SYT16: variants seen among roughly 807,000 people sequenced by gnomAD.
SYT16 encodes synaptotagmin 16.
SYT16 carries 42 observed loss-of-function variants against 61.4 expected under a neutral mutation model. The ratio of observed to expected loss-of-function variants is 0.68; its 90% CI spans 0.53 to 0.89. The LOEUF is 0.89. Ranked by LOEUF, SYT16 falls within the 40% of genes least tolerant of loss-of-function variation. SYT16 has a pLI of 0.00. For synonymous variants in SYT16, 314 were observed against 302.3 expected, an observed-to-expected ratio of 1.04 and a Z score of -0.40; for missense variants, 804 against 807.3, an observed-to-expected ratio of 1.00 and a Z score of 0.05.
chr14:62,101,632 A>G lies in SYT16; in HGVS notation c.*925A>G, dbSNP rs2057421035. 6.6e-6 allele frequency: 1 copy of G among 152,040 alleles called. No individual in the cohort carries two copies. The highest frequency in any genetic ancestry group is 2.4e-5 in the African/African-American group (1 of 41,318). The allele number at this position is 152,040 out of a possible 1,614,324, so 9.4% of individuals were successfully genotyped here. A position where few individuals can be genotyped will look rare whatever the true frequency, so the allele number is the denominator to read the frequency against. On this transcript the variant is annotated 3_prime_UTR_variant, in exon 8 of 8. Coordinates refer to ENST00000683842, the MANE Select transcript of SYT16 (RefSeq NM_001367656.1). ...TGCATGTAAACCATGCTCTTTTTAA[A>G]CTGAGTATTTTCCATCACTAGAGCA...
At chr14:61,980,376 A>C (rs753585208) in intron 2 of SYT16, among the ~76,000 whole-genome samples, 1 of 152,224 alleles carries the variant, frequency 6.6e-6, no homozygotes, top group Non-Finnish European at 1.5e-5. Context: ...TTATTTCAAC[A>C]TCAGGACAAG....
At chr14:62,002,833 G>A (rs1043957171) in intron 3 of SYT16, among the ~76,000 whole-genome samples, 2 of 152,098 alleles carry the variant, frequency 1.3e-5, no homozygotes, top group Non-Finnish European at 2.9e-5. Context: ...AGGTTTAATT[G>A]ACTCATAGTT....
intron 3 of SYT16, among the ~76,000 whole-genome samples, chr14:62,058,781 T>C (rs2055685899): frequency 1.3e-5 from 2 of 152,112 alleles, no homozygotes. Context: ...ATGTTCAGGT[T>C]TTTAAAATTT....
At chr14:61,960,023 G>A (rs1437342642) in intron 1 of SYT16, among the ~76,000 whole-genome samples, 1 of 151,932 alleles carries the variant, frequency 6.6e-6, no homozygotes, top group East Asian at 1.9e-4. Context: ...GTAGAGATGG[G>A]GTCTCTCCAT....
At chr14:61,970,775 G>T (rs950749968) in intron 2 of SYT16, among the ~76,000 whole-genome samples, 4 of 152,152 alleles carry the variant, frequency 2.6e-5, no homozygotes, top group African/African-American at 9.7e-5. Context: ...CACACTTAAA[G>T]AAATAATTGG....
At chr14:62,043,372 T>A (rs1349476925) in intron 3 of SYT16, among the ~76,000 whole-genome samples, 1 of 151,808 alleles carries the variant, frequency 6.6e-6, no homozygotes, top group South Asian at 2.1e-4. Context: ...CTTTCTTTTT[T>A]AAAAAATCAG....
At chr14:61,938,180 G>A (rs546456893) in intron 1 of SYT16, among the ~76,000 whole-genome samples, 60 of 152,220 alleles carry the variant, frequency 3.9e-4, no homozygotes, top group African/African-American at 1.4e-3. Context: ...CAAACAGGGT[G>A]GGGATTGCTA....
chr14:61,846,722 T>C (rs897186041), intron 1 of SYT16, among the ~76,000 whole-genome samples: 2 of 152,182 alleles, frequency 1.3e-5, no homozygotes, highest in African/African-American at 4.8e-5. Context: ...TTTATGGTCT[T>C]CTCTTCCTTC....
At chr14:61,972,322 C>A (rs12433405) in intron 2 of SYT16, among the ~76,000 whole-genome samples, 1 of 152,008 alleles carries the variant, frequency 6.6e-6, no homozygotes, top group Non-Finnish European at 1.5e-5. Context: ...AAAATATTTC[C>A]TTTTTGTCTT....
chr14:61,910,649 C>G (rs1308022487), intron 1 of SYT16, among the ~76,000 whole-genome samples: 1 of 151,946 alleles, frequency 6.6e-6, no homozygotes, highest in South Asian at 2.1e-4. Context: ...CTATCTCAGC[C>G]TCCCGAGTAG....
chr14:61,870,415 T>C (rs760962615), intron 1 of SYT16, among the ~76,000 whole-genome samples: 1 of 152,108 alleles, frequency 6.6e-6, no homozygotes, highest in Non-Finnish European at 1.5e-5. Flanking sequence ...TTGTCACTGT[T>C]TTTTTAGATA....
In SYT16 at chr14:61,841,473, G is replaced by T. The variant is rs571031781; in HGVS notation, c.-325+28663G>T. 7.7e-4 allele frequency among the ~76,000 whole-genome samples: 117 copies of T among 152,098 alleles called. 4 individuals carry two copies. In the South Asian group the frequency reaches 0.024, roughly 31 times the overall value. On this transcript the variant is annotated intron_variant, in intron 1 of 7. Coordinates refer to ENST00000683842, the MANE Select transcript of SYT16 (RefSeq NM_001367656.1). Reference sequence around the variant, plus strand: ...TAGATTAGCAGTTTTCATTTAAAAGGTTTTTAAAAAATAATAGCTAAGTCT... The same window carrying T: ...TAGATTAGCAGTTTTCATTTAAAAGTTTTTTAAAAAATAATAGCTAAGTCT...
Position 62,105,425 on chromosome 14 carries a change from A to G in SYT16, c.*4718A>G, listed in dbSNP as rs759077200. On this transcript the variant is annotated 3_prime_UTR_variant, in exon 8 of 8. Transcript: ENST00000683842. The stretch of plus-strand genomic sequence containing the variant: ...GGATAACACTTTCTTTAAAACCTGC[A>G]TTATATATCCATTTTATATCCTGAT... 3 of 152,230 alleles carry G rather than the reference A, an allele frequency of 2.0e-5. No homozygotes were observed. The highest frequency in any genetic ancestry group is 4.4e-5 in the Non-Finnish European group (3 of 68,042). The allele number at this position is 152,230 out of a possible 1,614,324, so 9.4% of individuals were successfully genotyped here. A position where few individuals can be genotyped will look rare whatever the true frequency, so the allele number is the denominator to read the frequency against.
intron 1 of SYT16, among the ~76,000 whole-genome samples, chr14:61,836,620 T>A (rs2046138253): frequency 6.6e-6 from 1 of 152,226 alleles, no homozygotes; most frequent in South Asian, 2.1e-4. Context: ...TCTATTTGTT[T>A]CCTTGTCTTC....
At chr14:61,865,403 A>G in intron 1 of SYT16, 1 of 614,942 alleles carries the variant, frequency 1.6e-6, no homozygotes, top group Non-Finnish European at 3.1e-6. Context: ...GTGATTTACA[A>G]ACTGGGAAAT....
At chr14:62,050,283 A>C (rs1392057893) in intron 3 of SYT16, among the ~76,000 whole-genome samples, 2 of 152,082 alleles carry the variant, frequency 1.3e-5, no homozygotes, top group African/African-American at 4.8e-5. Flanking sequence ...AGGCTTGTGC[A>C]TTCGTCACAT....
At chr14:61,909,200 A>G (rs2048835290) in intron 1 of SYT16, among the ~76,000 whole-genome samples, 1 of 152,234 alleles carries the variant, frequency 6.6e-6, no homozygotes, top group Non-Finnish European at 1.5e-5. Context: ...GCTTTGGACT[A>G]CAGGCAACTT....
At chr14:62,087,594 T>C (rs1422002024) in intron 7 of SYT16, among the ~76,000 whole-genome samples, 1 of 152,246 alleles carries the variant, frequency 6.6e-6, no homozygotes, top group Non-Finnish European at 1.5e-5. Flanking sequence ...GTTTTACATG[T>C]TGCTGGAAAG....
At chr14:61,934,325 A>G (rs1052727542) in intron 1 of SYT16, among the ~76,000 whole-genome samples, 4 of 152,240 alleles carry the variant, frequency 2.6e-5, no homozygotes, top group Non-Finnish European at 5.9e-5. Flanking sequence ...TGGCAAGTCA[A>G]CAAGTCCCCA....
Sources: gnomAD v4.1 joint callset for allele counts (sites outside exome capture counted in the v4.1 genomes callset) on GRCh38, gnomAD v4.1.1 for gene constraint, MANE v1.5 for transcripts, NCBI Gene and HGNC (gene_info 2026-07-23, HGNC 2026-07-21) for gene names.